Variants in PVT1 observed in about 807,000 individuals in gnomAD.
PVT1 encodes CXCR4/PVT1 fusion.
chr8:127,910,945 C>T (rs546431913), intron 3 of PVT1, among the ~76,000 whole-genome samples: 21 of 150,302 alleles, frequency 1.4e-4, no homozygotes, highest in South Asian at 8.4e-4. Flanking sequence ...GTGCATTGTA[C>T]GGTGAAGAGC....
At chr8:127,904,732 G>T (rs888614421) in intron 3 of PVT1, among the ~76,000 whole-genome samples, 2 of 152,214 alleles carry the variant, frequency 1.3e-5, no homozygotes, top group Non-Finnish European at 2.9e-5. Context: ...GACTGAGGCC[G>T]GTGATGGGGA....
intron 2 of PVT1, among the ~76,000 whole-genome samples, chr8:127,858,130 C>T (rs1158541092): frequency 2.0e-5 from 3 of 152,158 alleles, no homozygotes; most frequent in East Asian, 1.9e-4. Flanking sequence ...GTGGCTCATG[C>T]CTATAATCAC....
At chr8:128,002,467 G>A (rs939963075) in intron 4 of PVT1, among the ~76,000 whole-genome samples, 1 of 152,240 alleles carries the variant, frequency 6.6e-6, no homozygotes, top group African/African-American at 2.4e-5. Context: ...CAACAGAAAT[G>A]TATTCTCTCA....
At chr8:127,879,555 C>G (rs1388957808) in intron 2 of PVT1, among the ~76,000 whole-genome samples, 1 of 151,844 alleles carries the variant, frequency 6.6e-6, no homozygotes, top group Non-Finnish European at 1.5e-5. Flanking sequence ...ACAAAACAAA[C>G]AAACAAAAAA....
At chr8:128,007,170 G>A (rs983013461) in intron 4 of PVT1, among the ~76,000 whole-genome samples, 2 of 152,184 alleles carry the variant, frequency 1.3e-5, no homozygotes, top group Non-Finnish European at 2.9e-5. Context: ...GCATGACTGC[G>A]GGCTGCGTTC....
At chr8:127,806,933 A>G (rs1423552081) in intron 2 of PVT1, among the ~76,000 whole-genome samples, 1 of 152,084 alleles carries the variant, frequency 6.6e-6, no homozygotes, top group Non-Finnish European at 1.5e-5. Context: ...CTGTTTGTTT[A>G]TCTGTTCTCC....
intron 3 of PVT1, among the ~76,000 whole-genome samples, chr8:127,922,939 G>A (rs537743628): frequency 6.6e-6 from 1 of 152,232 alleles, no homozygotes; most frequent in Non-Finnish European, 1.5e-5. Flanking sequence ...ACATGAAGGA[G>A]CATTAGTGGC....
chr8:128,036,721 C>T (rs1813467065), intron 4 of PVT1, among the ~76,000 whole-genome samples: 1 of 152,206 alleles, frequency 6.6e-6, no homozygotes. Flanking sequence ...AATCTTGCCC[C>T]TGTCATGTAC....
chr8:128,055,965 T>G (rs1030546426), intron 4 of PVT1, among the ~76,000 whole-genome samples: 7 of 152,160 alleles, frequency 4.6e-5, no homozygotes, highest in African/African-American at 1.7e-4. Flanking sequence ...ACAATATGCA[T>G]GTACAGAAAT....
At chr8:127,798,574 C>T (rs776143307) in intron 2 of PVT1, among the ~76,000 whole-genome samples, 3 of 151,436 alleles carry the variant, frequency 2.0e-5, no homozygotes, top group Non-Finnish European at 4.4e-5. Context: ...AACCCTTAGT[C>T]TTGGCTGGGT....
chr8:127,957,911 G>A (rs1433537217), intron 3 of PVT1, among the ~76,000 whole-genome samples: 2 of 152,244 alleles, frequency 1.3e-5, no homozygotes, highest in East Asian at 1.9e-4. Context: ...GAGAAACAGC[G>A]GGCAGCCTGT....
intron 3 of PVT1, among the ~76,000 whole-genome samples, chr8:127,940,854 G>A (rs1044563276): frequency 1.1e-4 from 17 of 152,240 alleles, no homozygotes; most frequent in East Asian, 3.9e-4. Flanking sequence ...CTCCCACCTC[G>A]GCCTTCTAAA....
chr8:127,923,098 A>G (rs1274150538), intron 3 of PVT1, among the ~76,000 whole-genome samples: 1 of 152,104 alleles, frequency 6.6e-6, no homozygotes, highest in Admixed American at 6.5e-5. Flanking sequence ...TGGTAATCTC[A>G]TTTGCTGGGT....
chr8:128,039,123 G>T (rs140271985), intron 4 of PVT1, among the ~76,000 whole-genome samples: 1 of 152,146 alleles, frequency 6.6e-6, no homozygotes, highest in African/African-American at 2.4e-5. Flanking sequence ...ATCAAACACC[G>T]TTTCTTCTTT....
intron 3 of PVT1, among the ~76,000 whole-genome samples, chr8:127,902,680 T>C (rs1815773295): frequency 6.6e-6 from 1 of 152,136 alleles, no homozygotes; most frequent in Non-Finnish European, 1.5e-5. Flanking sequence ...AGTGAGAACA[T>C]GCGGTATTTT....
intron 4 of PVT1, among the ~76,000 whole-genome samples, chr8:128,002,745 C>A (rs533154820): frequency 4.5e-4 from 69 of 152,300 alleles, no homozygotes; most frequent in African/African-American, 1.6e-3. Flanking sequence ...ATTACATCTG[C>A]AAAGACCCAA....
chr8:127,979,556 C>T (rs1162510519), intron 3 of PVT1, among the ~76,000 whole-genome samples: 1 of 152,190 alleles, frequency 6.6e-6, no homozygotes, highest in Non-Finnish European at 1.5e-5. Context: ...GGATCAACAG[C>T]TGTGAAACTG....
At chr8:127,943,457 G>A (rs752172446) in intron 3 of PVT1, among the ~76,000 whole-genome samples, 5 of 152,156 alleles carry the variant, frequency 3.3e-5, no homozygotes, top group Non-Finnish European at 7.3e-5. Context: ...AAAGACATAG[G>A]TAGGGTCTAC....
chr8:127,875,207 TG>T (rs1382664976), intron 2 of PVT1, among the ~76,000 whole-genome samples: 1 of 152,198 alleles, frequency 6.6e-6, no homozygotes, highest in Non-Finnish European at 1.5e-5. Context: ...TCCTCACAGC[TG>T]GGGTCTGTTC....
Sources: gnomAD v4.1 joint callset for allele counts (sites outside exome capture counted in the v4.1 genomes callset) on GRCh38, gnomAD v4.1.1 for gene constraint, MANE v1.5 for transcripts, NCBI Gene and HGNC (gene_info 2026-07-23, HGNC 2026-07-21) for gene names.